Variants in ENTREP1 observed in about 807,000 individuals in gnomAD.
ENTREP1 encodes Friedreich ataxia region gene X123.
the ENTREP1 span, among the ~76,000 whole-genome samples, chr9:69,370,156 C>T: frequency 2.0e-5 from 3 of 151,982 alleles, no homozygotes; most frequent in African/African-American, 4.8e-5. Context: ...GCATTATAAC[C>T]ACACTTTTTT....
chr9:69,372,038 A>G, the ENTREP1 span, among the ~76,000 whole-genome samples: 2 of 152,172 alleles, frequency 1.3e-5, no homozygotes, highest in African/African-American at 4.8e-5. Flanking sequence ...TATTTTGCAT[A>G]TACTATTTAT....
the ENTREP1 span, among the ~76,000 whole-genome samples, chr9:69,344,845 G>T: frequency 5.3e-5 from 8 of 152,128 alleles, no homozygotes; most frequent in African/African-American, 1.9e-4. Flanking sequence ...GGGTTCTTTG[G>T]CTCCTTCCTG....
At chr9:69,346,143 C>T in the ENTREP1 span, among the ~76,000 whole-genome samples, 3 of 150,108 alleles carry the variant, frequency 2.0e-5, no homozygotes, top group Admixed American at 6.6e-5. Context: ...CCACCATGCC[C>T]GGCTAATTTA....
the ENTREP1 span, among the ~76,000 whole-genome samples, chr9:69,327,539 A>C: frequency 6.6e-6 from 1 of 152,198 alleles, no homozygotes; most frequent in South Asian, 2.1e-4. Context: ...AAAAGCTGAA[A>C]TCAGTTTACT....
the ENTREP1 span, chr9:69,387,467 G>A: frequency 1.7e-5 from 3 of 178,832 alleles, no homozygotes; most frequent in Non-Finnish European, 3.5e-5. Flanking sequence ...CAGTGCAGAA[G>A]CATTGCTGGT....
the ENTREP1 span, chr9:69,388,536 C>A: frequency 9.5e-7 from 1 of 1,047,774 alleles, no homozygotes; most frequent in Non-Finnish European, 1.4e-6. Flanking sequence ...TTGTCCAAGG[C>A]AGAGTAAGTT....
chr9:69,390,452 A>C, the ENTREP1 span, among the ~76,000 whole-genome samples: 1 of 152,214 alleles, frequency 6.6e-6, no homozygotes, highest in Admixed American at 6.5e-5. Flanking sequence ...GGAATTTTTC[A>C]TATTTTTGCC....
At chr9:69,340,596 TGC>T in the ENTREP1 span, among the ~76,000 whole-genome samples, 1 of 147,086 alleles carries the variant, frequency 6.8e-6, no homozygotes. Context: ...TATGTGTGCA[TGC>T]ATGTGTGTGT....
the ENTREP1 span, among the ~76,000 whole-genome samples, chr9:69,357,836 A>C: frequency 6.6e-6 from 1 of 151,840 alleles, no homozygotes; most frequent in Non-Finnish European, 1.5e-5. Context: ...GTCTTTAATT[A>C]TTTTTTTTCC....
chr9:69,378,756 CA>C, the ENTREP1 span, among the ~76,000 whole-genome samples: 65,714 of 139,002 alleles, frequency 0.47, 15,172 homozygotes, highest in African/African-American at 0.63. Flanking sequence ...GACTTTGTCT[CA>C]AAAAAAAAAA....
the ENTREP1 span, chr9:69,336,299 T>G: frequency 7.0e-7 from 1 of 1,426,164 alleles, no homozygotes; most frequent in Non-Finnish European, 9.8e-7. Flanking sequence ...ATTGCTACCC[T>G]TTATAAAATG....
At chr9:69,325,276 GGCCGC>G in the ENTREP1 span, 1 of 31,812 alleles carries the variant, frequency 3.1e-5, no homozygotes, top group Non-Finnish European at 3.6e-5. Context: ...CGCCGCAGCC[GGCCGC>G]ACCCGGCCGC....
chr9:69,345,940 G>A, the ENTREP1 span, among the ~76,000 whole-genome samples: 557 of 151,544 alleles, frequency 3.7e-3, 1 homozygote, highest in Non-Finnish European at 4.8e-3. Context: ...TTAGACCTCT[G>A]CATTTATCCC....
the ENTREP1 span, among the ~76,000 whole-genome samples, chr9:69,361,372 A>G: frequency 6.6e-6 from 1 of 152,110 alleles, no homozygotes; most frequent in Non-Finnish European, 1.5e-5. Context: ...TCTTTTTAAT[A>G]TGGAATCATA....
the ENTREP1 span, among the ~76,000 whole-genome samples, chr9:69,356,787 C>G: frequency 6.6e-6 from 1 of 152,286 alleles, no homozygotes; most frequent in Admixed American, 6.5e-5. Flanking sequence ...TCTCATGTGT[C>G]ACATGATCCA....
At chr9:69,361,134 G>A in the ENTREP1 span, among the ~76,000 whole-genome samples, 1 of 152,002 alleles carries the variant, frequency 6.6e-6, no homozygotes. Flanking sequence ...TTTTTAAAAA[G>A]GGATAATTTG....
At chr9:69,389,470 C>T in the ENTREP1 span, among the ~76,000 whole-genome samples, 1 of 152,216 alleles carries the variant, frequency 6.6e-6, no homozygotes, top group East Asian at 1.9e-4. Flanking sequence ...GAGGAATGAT[C>T]TGATTACTTG....
the ENTREP1 span, among the ~76,000 whole-genome samples, chr9:69,328,490 TG>T: frequency 1.3e-5 from 2 of 152,142 alleles, no homozygotes; most frequent in African/African-American, 4.8e-5. Context: ...TATCAACACA[TG>T]GCCACTTTAT....
the ENTREP1 span, among the ~76,000 whole-genome samples, chr9:69,357,004 C>G: frequency 2.0e-5 from 3 of 150,788 alleles, no homozygotes; most frequent in African/African-American, 7.3e-5. Context: ...ACGCCAGCAA[C>G]CCCAGTGCTT....
Sources: allele counts gnomAD v4.1 joint callset (sites outside exome capture counted in the v4.1 genomes callset), GRCh38; gene constraint gnomAD v4.1.1; transcripts MANE v1.5; gene names NCBI Gene and HGNC (gene_info 2026-07-23, HGNC 2026-07-21).